APTX: variants seen among roughly 807,000 people sequenced by gnomAD.
The protein encoded by APTX is aprataxin, also known as forkhead-associated domain histidine triad-like protein.
A neutral mutation model predicts 42.3 loss-of-function variants in APTX; 33 were observed. The ratio of observed to expected loss-of-function variants is 0.78; its 90% CI spans 0.59 to 1.04. APTX has a LOEUF of 1.04. APTX is among the 50% of genes least tolerant of loss of function. The pLI is 0.00. For synonymous variants in APTX, 130 were observed against 146.7 expected (o/e 0.89, Z 0.82); for missense variants, 421 against 415.1 (o/e 1.01, Z -0.12).
intron 1 of APTX, among the ~76,000 whole-genome samples, chr9:33,014,497 T>C (rs186576636): frequency 1.2e-4 from 16 of 133,710 alleles, no homozygotes; most frequent in Admixed American, 2.9e-4. Context: ...CAGCAGGACA[T>C]CCTTAACAAA....
At chr9:33,016,089 C>G (rs1837883169) in intron 1 of APTX, 1 of 152,060 alleles carries the variant, frequency 6.6e-6, no homozygotes, top group African/African-American at 2.4e-5. Flanking sequence ...TTATCTAGAC[C>G]AAGAGTCTGA....
chr9:33,000,642 A>G (rs1393218773), intron 1 of APTX, among the ~76,000 whole-genome samples: 14 of 149,784 alleles, frequency 9.3e-5, no homozygotes, highest in East Asian at 1.9e-4. Context: ...AAAAAAAAAA[A>G]AAAAAGAAAA....
At chr9:32,974,833 T>C (rs1043795398) in intron 6 of APTX, among the ~76,000 whole-genome samples, 1 of 152,026 alleles carries the variant, frequency 6.6e-6, no homozygotes, top group East Asian at 1.9e-4. Context: ...TCTGCCCTTA[T>C]AGAAATTGTA....
chr9:32,976,591 C>A (rs1207765416), intron 6 of APTX, among the ~76,000 whole-genome samples: 1 of 152,172 alleles, frequency 6.6e-6, no homozygotes, highest in Non-Finnish European at 1.5e-5. Flanking sequence ...AAATCAAAAT[C>A]AAGTCATAAG....
At chr9:32,976,462 G>C (rs1428858695) in intron 6 of APTX, among the ~76,000 whole-genome samples, 2 of 152,140 alleles carry the variant, frequency 1.3e-5, no homozygotes, top group Non-Finnish European at 2.9e-5. Context: ...TACATGAATA[G>C]AAAGTCACCA....
intron 1 of APTX, chr9:33,001,314 T>C (rs1322211189): frequency 3.3e-6 from 5 of 1,511,662 alleles, no homozygotes; most frequent in Admixed American, 2.0e-5. Context: ...TCGGCTTGTG[T>C]TGCGACCAAG....
chr9:33,001,216 T>C lies in APTX; in HGVS notation c.-5+351A>G, dbSNP rs936555159. ...GCTGCTAAGGTCCCTCAAGTGCCTT[T>C]CACGAAGCATTTCTGGCGGAAACGC... On this transcript the variant is annotated intron_variant, in intron 1 of 7. Transcript: ENST00000379817. 3 of 1,162,644 alleles carry C rather than the reference T, an allele frequency of 2.6e-6. No homozygotes were observed. The African/African-American group carries it at 4.7e-5, about 18-fold the overall frequency. 72.0% of individuals were successfully genotyped at this position (1,162,644 alleles called of 1,614,324 possible).
chr9:33,003,435 C>T (rs984252429), upstream of APTX, among the ~76,000 whole-genome samples: 2 of 152,172 alleles, frequency 1.3e-5, no homozygotes, highest in African/African-American at 2.4e-5. Context: ...AATCCCAGCA[C>T]TTTGGGAGGC....
intron 1 of APTX, among the ~76,000 whole-genome samples, chr9:33,013,062 A>C (rs1837648406): frequency 6.6e-6 from 1 of 152,228 alleles, no homozygotes; most frequent in Admixed American, 6.5e-5. Flanking sequence ...GTAGGTACTC[A>C]ATCAATATTT....
chr9:32,974,530 A>G lies in APTX; in HGVS notation c.802T>C (p.Phe268Leu). ...TTGTTTTTAAGGCAAGGAGAATCAA[A>G]ATCCTGGCTGATCACATGAAGATGT... ...HVHLHVISQD[F>L]DSPCLKNKKH... The change falls in exon 7 of 8, where the codon TTT (phenylalanine) becomes CTT (leucine). Residue 268 changes from phenylalanine (F) to leucine (L), a missense_variant. Coordinates refer to ENST00000379817, the MANE Select transcript of APTX (RefSeq NM_001195248.2). 6.2e-7 allele frequency: 1 copy of G among 1,611,884 alleles called. No individual in the cohort carries two copies. Among genetic ancestry groups the G allele is most frequent in the Non-Finnish European group, 8.5e-7 (1 of 1,179,330 alleles).
rs933624913 is a variant in APTX at position 32,974,584 on chromosome 9, G to A, written c.771-23C>T. 10 of 1,201,468 alleles carry A rather than the reference G, an allele frequency of 8.3e-6. No homozygotes were observed. The East Asian group carries it at 1.9e-4, about 23-fold the overall frequency. The allele number at this position is 1,201,468 out of a possible 1,614,324, so 74.4% of individuals were successfully genotyped here. On this transcript the variant is annotated intron_variant, in intron 6 of 7. Coordinates refer to ENST00000379817, the MANE Select transcript of APTX (RefSeq NM_001195248.2). ...TGGCTAGTTGAAAGAAAAAAAAACT[G>A]AGCATTAAACTCTTTAACAACTATG... is the stretch of plus-strand genomic sequence containing the variant.
chr9:32,995,775 C>T, intron 1 of APTX, among the ~76,000 whole-genome samples: 1 of 151,888 alleles, frequency 6.6e-6, no homozygotes, highest in East Asian at 1.9e-4. Context: ...GTAGTCCCAG[C>T]TACTCTGGAG....
chr9:32,979,183 C>A (rs1830137109), intron 6 of APTX, among the ~76,000 whole-genome samples: 1 of 152,240 alleles, frequency 6.6e-6, no homozygotes, highest in Admixed American at 6.5e-5. Flanking sequence ...CAATCCTCCC[C>A]CACCTCCCTC....
chr9:33,022,503 C>CA, intron 1 of APTX, among the ~76,000 whole-genome samples: 1 of 152,336 alleles, frequency 6.6e-6, no homozygotes, highest in Middle Eastern at 3.4e-3. Flanking sequence ...CATGTTGACT[C>CA]AGCAATTTCA....
intron 1 of APTX, among the ~76,000 whole-genome samples, chr9:32,993,288 A>C (rs1834070319): frequency 6.6e-6 from 1 of 152,228 alleles, no homozygotes; most frequent in South Asian, 2.1e-4. Flanking sequence ...TATGTAACCA[A>C]CCTTAAATAG....
chr9:33,003,135 AC>A (rs367612527), upstream of APTX, among the ~76,000 whole-genome samples: 312 of 152,268 alleles, frequency 2.0e-3, 1 homozygote, highest in African/African-American at 7.3e-3. Flanking sequence ...TGCTTCTTTG[AC>A]CTGCCTTTGT....
intron 1 of APTX, among the ~76,000 whole-genome samples, chr9:33,014,476 T>C (rs767867991): frequency 6.8e-6 from 1 of 146,374 alleles, no homozygotes; most frequent in African/African-American, 2.4e-5. Context: ...AAAGGATGCA[T>C]AGCTGGGGAG....
At chr9:32,989,943 C>A in intron 1 of APTX, 48 bp from the exon 2 acceptor site, 1 of 1,585,410 alleles carries the variant, frequency 6.3e-7, no homozygotes, top group South Asian at 1.1e-5. Context: ...TCCACTAGCA[C>A]GAGTCCTCCA....
intron 6 of APTX, among the ~76,000 whole-genome samples, chr9:32,984,106 C>T (rs1831325992): frequency 6.6e-6 from 1 of 152,168 alleles, no homozygotes; most frequent in African/African-American, 2.4e-5. Context: ...GGAGATCCAC[C>T]TTGCTTGTAT....
Sources: gnomAD v4.1 joint callset for allele counts (sites outside exome capture counted in the v4.1 genomes callset) on GRCh38, gnomAD v4.1.1 for gene constraint, MANE v1.5 for transcripts, NCBI Gene and HGNC (gene_info 2026-07-23, HGNC 2026-07-21) for gene names.